CARS1: variants seen among roughly 807,000 people sequenced by gnomAD.
CARS1 encodes the protein cysteine--tRNA ligase, cytoplasmic.
In CARS1, 48 loss-of-function variants were observed where a neutral mutation model predicts 106.2. The observed-to-expected ratio is 0.45, with a 90% CI of 0.36 to 0.57. CARS1 has a LOEUF of 0.57. Ranked by LOEUF, CARS1 falls within the 20% of genes least tolerant of loss-of-function variation. The pLI is 0.00. For synonymous variants in CARS1, 409 were observed against 403.4 expected (o/e 1.01, Z -0.17); for missense variants, 968 against 1,057.2 (o/e 0.92, Z 1.17).
rs999371493 is a variant in CARS1, at chr11:3,034,028, T to A, written c.801+4022A>T. 2.6e-5 allele frequency among the ~76,000 whole-genome samples: 4 copies of A among 152,196 alleles called. No homozygotes were observed. Among genetic ancestry groups the A allele is most frequent in the Non-Finnish European group, 5.9e-5 (4 of 68,024 alleles). On this transcript the variant is annotated intron_variant, in intron 7 of 22. Coordinates refer to ENST00000380525, the MANE Select transcript of CARS1 (RefSeq NM_001014437.3). This position sits in a 1 kb window ranked among gnomAD's most constrained non-coding sequence, Gnocchi z 6.3. Reference sequence around the variant, plus strand: ...AACTCCTGGGCTCAAGGGATCCTCTTGCCTTGGCCTCCCAAGGTGCTATGA... The same window carrying A: ...AACTCCTGGGCTCAAGGGATCCTCTAGCCTTGGCCTCCCAAGGTGCTATGA...
chr11:3,013,221 C>T (rs1169246896), intron 17 of CARS1, among the ~76,000 whole-genome samples: 1 of 151,684 alleles, frequency 6.6e-6, no homozygotes, highest in African/African-American at 2.4e-5. Context: ...ATGGCGATCT[C>T]GGCTCACCGC....
At position 3,010,609 on chromosome 11, in the gene CARS1, T is replaced by C. The variant is rs575730442; in HGVS notation, c.2068+1586A>G. On this transcript the variant is annotated intron_variant, in intron 18 of 22. Coordinates refer to ENST00000380525, the MANE Select transcript of CARS1 (RefSeq NM_001014437.3). Reference sequence around the variant, plus strand: ...AGGCCCAGGCCCCTCTCCAGAGCACTTGTGGCAGCCCAGCAGCCCAGCAGC... The same window carrying C: ...AGGCCCAGGCCCCTCTCCAGAGCACCTGTGGCAGCCCAGCAGCCCAGCAGC... Among the ~76,000 whole-genome samples the C allele has an allele frequency of 2.6e-5, 4 of 152,286 alleles. No individual in the cohort carries two copies. The Middle Eastern group carries it at 0.01, about 388-fold the overall frequency.
chr11:3,039,375 C>A lies in CARS1; in HGVS notation c.553-83G>T. 1.2e-6 allele frequency: 1 copy of A among 855,036 alleles called. No homozygotes were observed. Among genetic ancestry groups the A allele is most frequent in the East Asian group, 2.5e-5 (1 of 39,908 alleles). 53.0% of individuals were successfully genotyped at this position (855,036 alleles called of 1,614,324 possible). A position where few individuals can be genotyped will look rare whatever the true frequency, so the allele number is the denominator to read the frequency against. ...GCAGCAGGCCACTCTCTCCCTTGGC[C>A]AACTCTAAGTGAGGGTGAGGGTGGT... is the stretch of plus-strand genomic sequence containing the variant. On this transcript the variant is annotated intron_variant, in intron 5 of 22. Coordinates refer to ENST00000380525, the MANE Select transcript of CARS1 (RefSeq NM_001014437.3). This position sits in a 1 kb window ranked among gnomAD's most constrained non-coding sequence, Gnocchi z 5.6.
chr11:3,056,011 T>C (rs1856168198), intron 1 of CARS1, among the ~76,000 whole-genome samples: 2 of 152,310 alleles, frequency 1.3e-5, no homozygotes, highest in South Asian at 2.1e-4. Context: ...TGAGGGCCGC[T>C]TGGCTCTGGG....
chr11:3,001,393 C>A, intron 22 of CARS1, 145 bp from the exon 23 acceptor site: 1 of 916,300 alleles, frequency 1.1e-6, no homozygotes, highest in Admixed American at 2.5e-5. Context: ...CCACACTGCT[C>A]TGGAGCCAGC....
At chr11:3,005,319 T>C (rs1249990760) in intron 20 of CARS1, 47 bp downstream of exon 20, 1 of 1,406,608 alleles carries the variant, frequency 7.1e-7, no homozygotes, top group Non-Finnish European at 1.0e-6. Flanking sequence ...CAATGGTTTT[T>C]ACATTTTCAA....
chr11:3,045,914 T>C lies in CARS1; in HGVS notation c.274+1839A>G, dbSNP rs1465107551. ...GGACTCCATGGCGCCTTGGACCCAC[T>C]CGAGGTCACTGGATGCTCTAGCAGT... On this transcript the variant is annotated intron_variant, in intron 2 of 22. Transcript: ENST00000380525. This position sits in a 1 kb window ranked among gnomAD's most constrained non-coding sequence, Gnocchi z 5.6. Among the ~76,000 whole-genome samples, 1 of 152,138 alleles carries C rather than the reference T, an allele frequency of 6.6e-6. No individual in the cohort carries two copies. Among genetic ancestry groups the C allele is most frequent in the Non-Finnish European group, 1.5e-5 (1 of 68,004 alleles).
At chr11:3,006,415 C>T (rs1046765804) in intron 19 of CARS1, among the ~76,000 whole-genome samples, 9 of 152,166 alleles carry the variant, frequency 5.9e-5, no homozygotes, top group Admixed American at 4.6e-4. Context: ...CACTGTACTC[C>T]GGCCTGGGCG....
In CARS1 at chr11:3,040,984, CCTTT is replaced by C; in HGVS notation, c.367-4_367-1del. 6.2e-7 allele frequency: 1 copy of C among 1,614,098 alleles called. No homozygotes were observed. The highest frequency in any genetic ancestry group is 8.5e-7 in the Non-Finnish European group (1 of 1,179,978). On this transcript the variant is annotated splice_acceptor_variant and splice_polypyrimidine_tract_variant and intron_variant, in intron 3 of 22. Coordinates refer to ENST00000380525, the MANE Select transcript of CARS1 (RefSeq NM_001014437.3). LOFTEE classifies it high-confidence loss of function. This position sits in a 1 kb window ranked among gnomAD's most constrained non-coding sequence, Gnocchi z 5.8. Reference sequence around the variant, plus strand: ...TTCCCATCTTGAGGTATGAACACTTCCTTTGTTAGGAATGAAGGAATGACGATCA... The same window carrying C: ...TTCCCATCTTGAGGTATGAACACTTCGTTAGGAATGAAGGAATGACGATCA...
At position 3,020,283 on chromosome 11, in the gene CARS1, G is replaced by T. The variant is rs200672048; in HGVS notation, c.1203C>A (p.Asn401Lys). ...ADRLSEKRSPNDFALWKASKP... is the reference protein window; with the variant it reads ...ADRLSEKRSPKDFALWKASKP... ...TAGAGGCCTTCCATAAGGCAAAGTC[G>T]TTGGGAGAGCGCTTCTCACTCAGGC... The change falls in exon 11 of 23, where the codon AAC becomes AAA. Residue 401 changes from asparagine (N) to lysine (K), a missense_variant. Asn to Lys is a moderately conservative substitution (Grantham distance 94). Coordinates refer to ENST00000380525, the MANE Select transcript of CARS1 (RefSeq NM_001014437.3). The surrounding 1 kb of genome is among the most constrained non-coding windows in gnomAD (Gnocchi z 4.6). 1 of 1,614,048 alleles carries T rather than the reference G, an allele frequency of 6.2e-7. No individual in the cohort carries two copies. The highest frequency in any genetic ancestry group is 8.5e-7 in the Non-Finnish European group (1 of 1,179,898).
At chr11:3,033,585 G>A (rs1853171577) in intron 7 of CARS1, among the ~76,000 whole-genome samples, 1 of 152,130 alleles carries the variant, frequency 6.6e-6, no homozygotes, top group Admixed American at 6.5e-5. Flanking sequence ...AGCAAAAACA[G>A]TCAGAGGAAA....
chr11:3,055,199 C>T (rs1014757894), intron 1 of CARS1, among the ~76,000 whole-genome samples: 4 of 151,906 alleles, frequency 2.6e-5, no homozygotes, highest in Admixed American at 6.6e-5. Context: ...CTCGCTCTGT[C>T]GCCCAGGCTG....
chr11:3,057,188 G>T (rs1218107788), intron 1 of CARS1, among the ~76,000 whole-genome samples, 155 bp downstream of exon 1: 2 of 151,918 alleles, frequency 1.3e-5, no homozygotes, highest in Non-Finnish European at 2.9e-5. Flanking sequence ...TCAGACCTCG[G>T]GCACTGCCGC....
chr11:3,032,339 G>A (rs936899173), intron 7 of CARS1, among the ~76,000 whole-genome samples: 2 of 151,972 alleles, frequency 1.3e-5, no homozygotes, highest in Admixed American at 6.6e-5. Flanking sequence ...CCAAAGTGCT[G>A]GGAGTTCAGG....
At chr11:3,005,511 T>C in intron 19 of CARS1, 78 bp from the exon 20 acceptor site, 1 of 1,140,454 alleles carries the variant, frequency 8.8e-7, no homozygotes, top group Non-Finnish European at 1.3e-6. Context: ...TGCCCTGCCC[T>C]GCCCTGCCCA....
chr11:3,055,732 C>T (rs1335947238), intron 1 of CARS1, among the ~76,000 whole-genome samples: 5 of 152,240 alleles, frequency 3.3e-5, no homozygotes, highest in African/African-American at 9.6e-5. Flanking sequence ...ACGTCATTTA[C>T]GTTCACAAAT....
Position 3,051,882 on chromosome 11 carries a change from C to A in CARS1, c.26-3881G>T, listed in dbSNP as rs138130007. Among the ~76,000 whole-genome samples, 23 of 152,318 alleles carry A rather than the reference C, an allele frequency of 1.5e-4. No homozygotes were observed. In the East Asian group the frequency reaches 3.7e-3, roughly 24 times the overall value. On this transcript the variant is annotated intron_variant, in intron 1 of 22. Transcript: ENST00000380525. ...GAGGGAAGAAGAGACAACAGCAGCA[C>A]CCTGAGAAACAGTGACACAGCATCG...
chr11:3,056,560 T>C (rs1001077045), intron 1 of CARS1, among the ~76,000 whole-genome samples: 5 of 152,116 alleles, frequency 3.3e-5, no homozygotes, highest in Non-Finnish European at 7.3e-5. Flanking sequence ...GCTCTGACAA[T>C]CAGCTTGCAG....
chr11:3,056,657 C>T (rs1017619629), intron 1 of CARS1, among the ~76,000 whole-genome samples: 2 of 152,242 alleles, frequency 1.3e-5, no homozygotes, highest in Admixed American at 1.3e-4. Context: ...GCGTCCTCTG[C>T]CCCATTTCCC....
Sources: allele counts gnomAD v4.1 joint callset (sites outside exome capture counted in the v4.1 genomes callset), GRCh38; gene constraint gnomAD v4.1.1; non-coding constraint Gnocchi (gnomAD v3.1); transcripts MANE v1.5; gene names NCBI Gene and HGNC (gene_info 2026-07-23, HGNC 2026-07-21).